The following GLIS1 variants were observed in gnomAD, a reference collection of about 807,000 sequenced individuals.
GLIS1 encodes zinc finger protein GLIS1.
A neutral mutation model predicts 63.8 loss-of-function variants in GLIS1; 24 were observed. The observed-to-expected ratio is 0.38, with a 90% CI of 0.27 to 0.53. GLIS1 has a LOEUF of 0.53. Among genes scored for constraint, GLIS1 ranks in the 20% least tolerant of loss-of-function variants. The pLI is 0.85. For synonymous variants in GLIS1, 450 were observed against 482.5 expected, an observed-to-expected ratio of 0.93 and a Z score of 0.88; for missense variants, 1,036 against 1,074.1, an observed-to-expected ratio of 0.96 and a Z score of 0.50.
chr1:53,624,176 G>A (rs1253211706), intron 2 of GLIS1, among the ~76,000 whole-genome samples: 1 of 152,190 alleles, frequency 6.6e-6, no homozygotes, highest in African/African-American at 2.4e-5. Context: ...TCAAGACAGG[G>A]TGGCACTGGC....
rs565808623 is a variant in GLIS1, at chr1:53,711,399, A to G, written c.259+26407T>C. Among the ~76,000 whole-genome samples the G allele has an allele frequency of 2.6e-5, 4 of 152,318 alleles. No individual in the cohort carries two copies. The South Asian group carries it at 8.3e-4, about 32-fold the overall frequency. ...GTACAATCATCATGTGTCAATTAAA[A>G]ACAAAAGAAAAAAAGAAGGTAAAAC... On this transcript the variant is annotated intron_variant, in intron 2 of 10. Transcript: ENST00000628545.
At chr1:53,600,716 G>A (rs1645308569) in intron 2 of GLIS1, among the ~76,000 whole-genome samples, 1 of 152,202 alleles carries the variant, frequency 6.6e-6, no homozygotes, top group Non-Finnish European at 1.5e-5. Flanking sequence ...GCTGCCCACA[G>A]GCTGGAGGGA....
At chr1:53,529,992 G>A (rs781774177) in intron 4 of GLIS1, 40 bp from the exon 5 acceptor site, 1 of 1,597,358 alleles carries the variant, frequency 6.3e-7, no homozygotes, top group Non-Finnish European at 8.5e-7. Flanking sequence ...CAGCCCGGTG[G>A]GCACCCCAAC....
rs1024251584 is a variant in GLIS1, at chr1:53,530,100, G to C, written c.1321-148C>G. 91 of 701,208 alleles carry C rather than the reference G, an allele frequency of 1.3e-4. No individual in the cohort carries two copies. In the African/African-American group the frequency reaches 1.5e-3, roughly 11 times the overall value. 43.4% of individuals were successfully genotyped at this position (701,208 alleles called of 1,614,324 possible). On this transcript the variant is annotated intron_variant, in intron 4 of 10. Transcript: ENST00000628545. Reference sequence around the variant, plus strand: ...TGAGAGCTCTGGATCAGCTCCCCATGAAGTGCTCAGGGCCCAGGCCTTATC... The same window carrying C: ...TGAGAGCTCTGGATCAGCTCCCCATCAAGTGCTCAGGGCCCAGGCCTTATC...
At chr1:53,706,570 G>T (rs1646581220) in intron 2 of GLIS1, among the ~76,000 whole-genome samples, 1 of 152,180 alleles carries the variant, frequency 6.6e-6, no homozygotes. Context: ...CACCTTCAAG[G>T]CCCCACCAGG....
At chr1:53,616,448 C>T (rs897607828) in intron 2 of GLIS1, among the ~76,000 whole-genome samples, 2 of 152,208 alleles carry the variant, frequency 1.3e-5, no homozygotes, top group African/African-American at 4.8e-5. Context: ...TCCTTTAAAT[C>T]AAGCTAATTA....
At chr1:53,527,690 C>T (rs1252830319) in intron 5 of GLIS1, among the ~76,000 whole-genome samples, 1 of 152,238 alleles carries the variant, frequency 6.6e-6, no homozygotes, top group Admixed American at 6.5e-5. Context: ...CTGTGAGGGG[C>T]CTGACCCGAG....
rs141512668 is a variant in GLIS1, at chr1:53,670,310, T to A, written c.259+67496A>T. ...GTGAGATTTTTAAAACCTTTTGGACTATAAATCTCCAAAAAGTGAGACTCC... is the reference window on the plus strand; with the variant it reads ...GTGAGATTTTTAAAACCTTTTGGACAATAAATCTCCAAAAAGTGAGACTCC... On this transcript the variant is annotated intron_variant, in intron 2 of 10. Transcript: ENST00000628545. Among the ~76,000 whole-genome samples, 13 of 152,328 alleles carry A rather than the reference T, an allele frequency of 8.5e-5. 1 individual carries two copies. The South Asian group carries it at 1.5e-3, about 17-fold the overall frequency.
chr1:53,520,899 C>T (rs1644401648), intron 6 of GLIS1, 133 bp from the exon 7 acceptor site: 2 of 987,264 alleles, frequency 2.0e-6, no homozygotes, highest in Non-Finnish European at 2.9e-6. Flanking sequence ...GCCTCAGTTC[C>T]CCATCTGTGA....
chr1:53,556,810 G>T (rs1012171775), intron 4 of GLIS1, among the ~76,000 whole-genome samples: 4 of 147,620 alleles, frequency 2.7e-5, no homozygotes, highest in African/African-American at 1.0e-4. Flanking sequence ...CAGGTATACT[G>T]CAGGTGTGTG....
Position 53,702,208 on chromosome 1 carries a change from T to C in GLIS1, c.259+35598A>G, listed in dbSNP as rs546566360. Among the ~76,000 whole-genome samples the C allele has an allele frequency of 1.8e-4, 28 of 152,194 alleles. No individual in the cohort carries two copies. In the South Asian group the frequency reaches 5.4e-3, roughly 29 times the overall value. On this transcript the variant is annotated intron_variant, in intron 2 of 10. Coordinates refer to ENST00000628545, the MANE Select transcript of GLIS1 (RefSeq NM_001367484.1). ...GGTGCTGTGGGGTCAGAAGGGGCTA[T>C]GGCTGGAACTCCAAGGTCACTGCTC...
intron 4 of GLIS1, among the ~76,000 whole-genome samples, chr1:53,567,857 T>G (rs1411316927): frequency 6.6e-6 from 1 of 152,210 alleles, no homozygotes; most frequent in Non-Finnish European, 1.5e-5. Context: ...CTTCCTAGAT[T>G]TCAAAGGACG....
chr1:53,690,336 A>G (rs1646388906), intron 2 of GLIS1, among the ~76,000 whole-genome samples: 1 of 152,236 alleles, frequency 6.6e-6, no homozygotes, highest in Non-Finnish European at 1.5e-5. Flanking sequence ...GTGGTCTCCA[A>G]GGCCCTTGTT....
intron 2 of GLIS1, among the ~76,000 whole-genome samples, chr1:53,633,360 ATGTGAATGAGTGTGACTGAGGGGCT>A (rs1645688709): frequency 3.3e-5 from 4 of 120,388 alleles, no homozygotes; most frequent in African/African-American, 6.6e-5. Flanking sequence ...GCTGAGGGGC[ATGTGAATGAGTGTGACTGAGGGGCT>A]TGTGAATGAG....
At chr1:53,614,570 C>T (rs1173845435) in intron 2 of GLIS1, among the ~76,000 whole-genome samples, 1 of 152,118 alleles carries the variant, frequency 6.6e-6, no homozygotes, top group Non-Finnish European at 1.5e-5. Context: ...GAAAGCAGGG[C>T]ACAACCAGAC....
chr1:53,683,202 G>A (rs560880365), intron 2 of GLIS1, among the ~76,000 whole-genome samples: 2 of 152,304 alleles, frequency 1.3e-5, no homozygotes, highest in South Asian at 4.1e-4. Flanking sequence ...AACCTGCACT[G>A]TGGATATACA....
At chr1:53,575,745 A>T (rs935834630) in intron 4 of GLIS1, among the ~76,000 whole-genome samples, 3 of 152,194 alleles carry the variant, frequency 2.0e-5, no homozygotes, top group African/African-American at 7.2e-5. Flanking sequence ...GAACACACAC[A>T]AACAGTGACA....
chr1:53,680,324 C>T (rs1259433001), intron 2 of GLIS1, among the ~76,000 whole-genome samples: 1 of 152,202 alleles, frequency 6.6e-6, no homozygotes, highest in East Asian at 1.9e-4. Flanking sequence ...AATGTACTTC[C>T]CTGTCCACAA....
chr1:53,680,291 C>T lies in GLIS1; in HGVS notation c.259+57515G>A, dbSNP rs377357453. Among the ~76,000 whole-genome samples, 17 of 152,266 alleles carry T rather than the reference C, an allele frequency of 1.1e-4. No homozygotes were observed. In the East Asian group the frequency reaches 2.9e-3, roughly 26 times the overall value. On this transcript the variant is annotated intron_variant, in intron 2 of 10. Coordinates refer to ENST00000628545, the MANE Select transcript of GLIS1 (RefSeq NM_001367484.1). ...CACATAAGCCTCATAGATAGGAACA[C>T]GGAGGCCCAAAACGATTAAGAAAAT... is the stretch of plus-strand genomic sequence containing the variant.
Sources: allele counts gnomAD v4.1 joint callset (sites outside exome capture counted in the v4.1 genomes callset), GRCh38; gene constraint gnomAD v4.1.1; transcripts MANE v1.5; gene names NCBI Gene and HGNC (gene_info 2026-07-23, HGNC 2026-07-21).